SMIM8: variants seen among roughly 807,000 people sequenced by gnomAD.
The protein encoded by SMIM8 is small integral membrane protein 8, also known as UPF0708 protein C6orf162.
In SMIM8, 8 loss-of-function variants were observed where a neutral mutation model predicts 8.1. The observed-to-expected ratio is 0.99, with a 90% CI of 0.58 to 1.78. The LOEUF (loss-of-function observed/expected upper bound fraction) is 1.78, where lower values mean the gene tolerates loss of function less well. Ranked by LOEUF, SMIM8 falls within the 40% of genes most tolerant of loss-of-function variation. The pLI is 0.00. For missense variants in SMIM8, 126 were observed against 119.8 expected (o/e 1.05, Z -0.24); for synonymous variants, 45 against 39.7 (o/e 1.13, Z -0.50).
chr6:87,335,845 CAAA>C (rs35840147), intron 2 of SMIM8, among the ~76,000 whole-genome samples: 31 of 55,978 alleles, frequency 5.5e-4, no homozygotes, highest in African/African-American at 2.2e-3. Flanking sequence ...CCGTCCCTAC[CAAA>C]AAAAAAAAAA....
chr6:87,339,945 C>G (rs933302940), intron 3 of SMIM8, among the ~76,000 whole-genome samples, 171 bp from the exon 4 acceptor site: 1 of 152,160 alleles, frequency 6.6e-6, no homozygotes, highest in Non-Finnish European at 1.5e-5. Context: ...TAATCAGTAG[C>G]TTAGCTAATT....
chr6:87,325,965 A>G (rs900857529), intron 1 of SMIM8, among the ~76,000 whole-genome samples: 6 of 152,164 alleles, frequency 3.9e-5, no homozygotes, highest in Non-Finnish European at 7.3e-5. Flanking sequence ...GTCTATTAAG[A>G]GATTCAACTT....
intron 1 of SMIM8, among the ~76,000 whole-genome samples, chr6:87,326,346 T>C (rs1458681519): frequency 6.6e-6 from 1 of 152,222 alleles, no homozygotes; most frequent in African/African-American, 2.4e-5. Context: ...CTAGTTCTCT[T>C]AATTGTGATG....
intron 3 of SMIM8, among the ~76,000 whole-genome samples, chr6:87,337,549 A>G (rs1490481598): frequency 6.6e-6 from 1 of 152,240 alleles, no homozygotes; most frequent in Non-Finnish European, 1.5e-5. Context: ...ACCATTCTTA[A>G]CATACTGCAA....
At chr6:87,329,637 A>G (rs1776944420) in intron 1 of SMIM8, among the ~76,000 whole-genome samples, 1 of 152,220 alleles carries the variant, frequency 6.6e-6, no homozygotes, top group Non-Finnish European at 1.5e-5. Flanking sequence ...AAAACAACAT[A>G]TATATAATCA....
chr6:87,339,424 G>A (rs568570131), intron 3 of SMIM8, among the ~76,000 whole-genome samples: 1 of 94,952 alleles, frequency 1.1e-5, no homozygotes, highest in South Asian at 3.2e-4. Context: ...GTGTGTGTGT[G>A]TGTGTGTGTG....
chr6:87,328,598 A>C (rs1776902522), intron 1 of SMIM8, among the ~76,000 whole-genome samples: 1 of 152,166 alleles, frequency 6.6e-6, no homozygotes, highest in South Asian at 2.1e-4. Context: ...TTGAGGAGGC[A>C]GTCTGCCTGT....
chr6:87,340,210 T>C lies in SMIM8; in HGVS notation c.230T>C (p.Leu77Pro), dbSNP rs1424864381. Residue 77 changes from leucine to proline, a missense_variant, in exon 4 of 4, where the codon CTC (leucine) becomes CCC (proline). Coordinates refer to ENST00000392863, the MANE Select transcript of SMIM8 (RefSeq NM_001042493.3). ...GCAATACAAGAGAATAAAAAGGACCTCTATGAAGCTATTGATAGTGAGGGG... is the reference window on the plus strand; with the variant it reads ...GCAATACAAGAGAATAAAAAGGACCCCTATGAAGCTATTGATAGTGAGGGG... The part of the protein sequence containing the change: ...LHAIQENKKD[L>P]YEAIDSEGHS... 1 of 1,611,994 alleles carries C rather than the reference T, an allele frequency of 6.2e-7. No individual in the cohort carries two copies. Among genetic ancestry groups the C allele is most frequent in the Admixed American group, 1.7e-5 (1 of 59,506 alleles).
chr6:87,338,810 G>A (rs1358484930), intron 3 of SMIM8, among the ~76,000 whole-genome samples: 1 of 151,718 alleles, frequency 6.6e-6, no homozygotes, highest in East Asian at 1.9e-4. Flanking sequence ...GTGTGAACAT[G>A]CAAAGAAAAG....
chr6:87,340,211 C>G lies in SMIM8; in HGVS notation c.231C>G (p.Leu77=). 6.2e-7 allele frequency: 1 copy of G among 1,611,618 alleles called. No homozygotes were observed. The highest frequency in any genetic ancestry group is 8.5e-7 in the Non-Finnish European group (1 of 1,179,220). Residue 77 remains leucine (L), a synonymous_variant, in exon 4 of 4, where the codon CTC becomes CTG. Coordinates refer to ENST00000392863, the MANE Select transcript of SMIM8 (RefSeq NM_001042493.3). ...CAATACAAGAGAATAAAAAGGACCT[C>G]TATGAAGCTATTGATAGTGAGGGGC... The part of the protein sequence containing the change: ...LHAIQENKKD[L]YEAIDSEGHS...
At chr6:87,328,111 C>A (rs1198102955) in intron 1 of SMIM8, among the ~76,000 whole-genome samples, 5 of 152,320 alleles carry the variant, frequency 3.3e-5, no homozygotes, top group African/African-American at 1.2e-4. Flanking sequence ...TCCATCAGCT[C>A]CTTTAAGCAC....
At chr6:87,334,281 C>T (rs1251209510) in intron 2 of SMIM8, among the ~76,000 whole-genome samples, 4 of 152,168 alleles carry the variant, frequency 2.6e-5, no homozygotes, top group Admixed American at 6.5e-5. Flanking sequence ...CAAGCAAGTG[C>T]GGGCTGCCCG....
chr6:87,331,939 A>C (rs1777003986), intron 2 of SMIM8, among the ~76,000 whole-genome samples: 1 of 152,182 alleles, frequency 6.6e-6, no homozygotes, highest in African/African-American at 2.4e-5. Flanking sequence ...TCTTTTAAAA[A>C]TATACATGTG....
chr6:87,328,909 G>T (rs1257883659), intron 1 of SMIM8, among the ~76,000 whole-genome samples: 1 of 152,210 alleles, frequency 6.6e-6, no homozygotes, highest in South Asian at 2.1e-4. Context: ...GCCAGACTCC[G>T]TGGGCGTAGG....
At chr6:87,331,751 T>A (rs924175787) in intron 2 of SMIM8, among the ~76,000 whole-genome samples, 1 of 152,128 alleles carries the variant, frequency 6.6e-6, no homozygotes, top group Non-Finnish European at 1.5e-5. Context: ...TGTAAATAAG[T>A]TCATGGAATT....
intron 2 of SMIM8, among the ~76,000 whole-genome samples, chr6:87,336,003 G>A (rs1034490356): frequency 6.6e-6 from 1 of 151,984 alleles, no homozygotes; most frequent in African/African-American, 2.4e-5. Flanking sequence ...TTCCAGTCTA[G>A]GCAATCGAGT....
intron 1 of SMIM8, among the ~76,000 whole-genome samples, chr6:87,324,668 T>C (rs1208266154): frequency 1.3e-5 from 2 of 151,560 alleles, no homozygotes; most frequent in East Asian, 1.9e-4. Context: ...TTTTGGTTAC[T>C]GTAGCCTTGT....
intron 2 of SMIM8, 32 bp from the exon 3 acceptor site, chr6:87,336,977 T>A (rs1422892913): frequency 6.7e-7 from 1 of 1,499,434 alleles, no homozygotes; most frequent in African/African-American, 1.4e-5. Context: ...AGCACAATTA[T>A]GAAGGGAAAA....
rs370955656 is a variant in SMIM8, at chr6:87,337,099, C to T, written c.68C>T (p.Pro23Leu). ...CCCAAAGAGAAAGAGTTTCAAAGCC[C>T]AGGGCTCAGAGGGGTGCGCACAACA... ...EPPKEKEFQS[P>L]GLRGVRTTTL... Residue 23 changes from proline to leucine, a missense_variant, in exon 3 of 4, where the codon CCA becomes CTA. Transcript: ENST00000392863. The T allele has an allele frequency of 7.7e-5, 125 of 1,613,380 alleles. 1 individual carries two copies. In the African/African-American group the frequency reaches 1.5e-3, roughly 19 times the overall value.
Sources: gnomAD v4.1 joint callset for allele counts (sites outside exome capture counted in the v4.1 genomes callset) on GRCh38, gnomAD v4.1.1 for gene constraint, MANE v1.5 for transcripts, NCBI Gene and HGNC (gene_info 2026-07-23, HGNC 2026-07-21) for gene names.